PCDHA1: variants seen among roughly 807,000 people sequenced by gnomAD.
The protein encoded by PCDHA1 is protocadherin alpha-1.
PCDHA1 carries 42 observed loss-of-function variants against 61.3 expected under a neutral mutation model. That is an observed-to-expected ratio of 0.69 (90% CI 0.54 to 0.89). The LOEUF (loss-of-function observed/expected upper bound fraction) is 0.89. Ranked by LOEUF, PCDHA1 falls within the 40% of genes least tolerant of loss-of-function variation. PCDHA1 has a pLI of 0.00. For synonymous variants in PCDHA1, 610 were observed against 553.8 expected, an observed-to-expected ratio of 1.10 and a Z score of -1.43; for missense variants, 1,256 against 1,235.3, an observed-to-expected ratio of 1.02 and a Z score of -0.25.
intron 1 of PCDHA1, among the ~76,000 whole-genome samples, chr5:140,974,689 T>A (rs2153804618): frequency 1.3e-5 from 2 of 152,208 alleles, no homozygotes; most frequent in South Asian, 4.1e-4. Flanking sequence ...TTTTGTATTT[T>A]TGGGTTTCAC....
At chr5:140,903,076 C>T (rs1479702171) in intron 1 of PCDHA1, among the ~76,000 whole-genome samples, 1 of 152,122 alleles carries the variant, frequency 6.6e-6, no homozygotes, top group Admixed American at 6.5e-5. Flanking sequence ...GGGTAGATAC[C>T]TGATAGTGGC....
chr5:140,884,240 G>A (rs139927854), intron 1 of PCDHA1: 5 of 1,613,368 alleles, frequency 3.1e-6, no homozygotes, highest in African/African-American at 1.3e-5. Context: ...CGGTGAGCCC[G>A]CGCTGACGGC....
chr5:140,849,369 A>T, intron 1 of PCDHA1: 1 of 1,490,294 alleles, frequency 6.7e-7, no homozygotes, highest in Non-Finnish European at 9.2e-7. Flanking sequence ...TATAAAATCC[A>T]AGTTCCACAT....
chr5:140,993,828 A>G (rs1170306716), intron 3 of PCDHA1, among the ~76,000 whole-genome samples: 1 of 152,226 alleles, frequency 6.6e-6, no homozygotes, highest in East Asian at 1.9e-4. Context: ...AGGCTATACC[A>G]TATAGCCTAG....
intron 1 of PCDHA1, chr5:140,822,264 AAATGCACAATTGAGATACAGGTTAAATCC>A: frequency 6.2e-7 from 1 of 1,614,278 alleles, no homozygotes; most frequent in African/African-American, 1.3e-5. Context: ...ATATTGGAGC[AAATGCACAATTGAGATACAGGTTAAATCC>A]AAACGAATAT....
rs901766941 is a variant in PCDHA1 at position 140,982,266 on chromosome 5, G to A, written c.2454-209G>A. The A allele has an allele frequency of 6.1e-5, 54 of 879,038 alleles. No homozygotes were observed. In the African/African-American group the frequency reaches 7.6e-4, roughly 12 times the overall value. The allele number at this position is 879,038 out of a possible 1,614,324, so 54.5% of individuals were successfully genotyped here. ...TAAAGATAGAACATGTGTGTTCCTG[G>A]AATAGTATAGCAGGCAATAAGTAAG... On this transcript the variant is annotated intron_variant, in intron 2 of 3. Coordinates refer to ENST00000504120, the MANE Select transcript of PCDHA1 (RefSeq NM_018900.4).
At chr5:140,944,383 C>T (rs1344204416) in intron 1 of PCDHA1, among the ~76,000 whole-genome samples, 1 of 152,084 alleles carries the variant, frequency 6.6e-6, no homozygotes, top group African/African-American at 2.4e-5. Context: ...GATGGAGTCT[C>T]ACTGTGTTAT....
At chr5:140,876,907 G>A (rs782597420) in intron 1 of PCDHA1, 1 of 1,614,022 alleles carries the variant, frequency 6.2e-7, no homozygotes, top group Admixed American at 1.7e-5. Flanking sequence ...CACGGTGTCG[G>A]CATGGGACGC....
chr5:140,947,882 T>C (rs1554218353), intron 1 of PCDHA1, among the ~76,000 whole-genome samples: 1 of 151,580 alleles, frequency 6.6e-6, no homozygotes, highest in Non-Finnish European at 1.5e-5. Context: ...TCCAGGACAA[T>C]ATAAACAGAA....
At chr5:140,855,753 G>C (rs1461376517) in intron 1 of PCDHA1, 1 of 333,040 alleles carries the variant, frequency 3.0e-6, no homozygotes, top group African/African-American at 2.1e-5. Flanking sequence ...GTGAGGCTTT[G>C]AAAGTCCATA....
chr5:140,998,746 A>C (rs1473770059), intron 3 of PCDHA1, among the ~76,000 whole-genome samples: 2 of 151,954 alleles, frequency 1.3e-5, no homozygotes, highest in Non-Finnish European at 2.9e-5. Context: ...GTATTTTTAG[A>C]AGAGACACAG....
chr5:140,835,741 C>T lies in PCDHA1; in HGVS notation c.2394+47057C>T, dbSNP rs2150243716. ...GTGGCCGACGTGAACGACAACGCCC[C>T]GGCGTTCGCGCAGCCCGAGTATACG... is the stretch of plus-strand genomic sequence containing the variant. On this transcript the variant is annotated intron_variant, in intron 1 of 3. Coordinates refer to ENST00000504120, the MANE Select transcript of PCDHA1 (RefSeq NM_018900.4). 4.3e-6 allele frequency: 7 copies of T among 1,613,704 alleles called. No homozygotes were observed. In the East Asian group the frequency reaches 6.7e-5, roughly 15 times the overall value.
intron 3 of PCDHA1, among the ~76,000 whole-genome samples, chr5:141,003,440 T>G (rs1194575812): frequency 6.6e-6 from 1 of 152,100 alleles, no homozygotes; most frequent in Non-Finnish European, 1.5e-5. Flanking sequence ...GCCTCCCAAG[T>G]AGATGAAATT....
intron 3 of PCDHA1, 125 bp downstream of exon 3, chr5:140,982,688 A>G: frequency 6.4e-6 from 9 of 1,415,764 alleles, no homozygotes; most frequent in African/African-American, 1.4e-5. Flanking sequence ...CCTTTTTTCC[A>G]TACATACATG....
chr5:140,925,641 TATAATAATAATAATAATA>T (rs10569930), intron 1 of PCDHA1, among the ~76,000 whole-genome samples: 1 of 143,358 alleles, frequency 7.0e-6, no homozygotes, highest in African/African-American at 2.5e-5. Context: ...GAACTTAAAG[TATAATAATAATAATAATA>T]ATAATAATAA....
At chr5:140,924,901 A>AAAAAT (rs10667761) in intron 1 of PCDHA1, among the ~76,000 whole-genome samples, 10,380 of 79,870 alleles carry the variant, frequency 0.13, 426 homozygotes, top group East Asian at 0.37. Context: ...TCTCAAAAAA[A>AAAAAT]AAAATAAAAT....
chr5:140,881,555 A>G (rs2058748140), intron 1 of PCDHA1, among the ~76,000 whole-genome samples: 2 of 152,236 alleles, frequency 1.3e-5, no homozygotes, highest in South Asian at 2.1e-4. Context: ...TTGAATATAA[A>G]TATCTTATCT....
At position 140,835,793 on chromosome 5, in the gene PCDHA1, G is replaced by A. The variant is rs17844310; in HGVS notation, c.2394+47109G>A. The A allele has an allele frequency of 5.6e-5, 90 of 1,613,102 alleles. 1 individual carries two copies. The East Asian group carries it at 1.8e-3, about 33-fold the overall frequency. On this transcript the variant is annotated intron_variant, in intron 1 of 3. Transcript: ENST00000504120. ...TGTTCGTGAAGGAGAACAACCCGCC[G>A]GGCTGCCACATCTTCACTGTGTCGG... is the stretch of plus-strand genomic sequence containing the variant.
chr5:140,873,205 T>TTTTAAAAGTATTCTTAA (rs2054160501), intron 1 of PCDHA1, among the ~76,000 whole-genome samples: 1 of 152,206 alleles, frequency 6.6e-6, no homozygotes, highest in Non-Finnish European at 1.5e-5. Flanking sequence ...AAACATTCTT[T>TTTTAAAAGTATTCTTAA]AAGTATTAAA....
Sources: allele counts gnomAD v4.1 joint callset (sites outside exome capture counted in the v4.1 genomes callset), GRCh38; gene constraint gnomAD v4.1.1; transcripts MANE v1.5; gene names NCBI Gene and HGNC (gene_info 2026-07-23, HGNC 2026-07-21).